The following PDZD2 variants were observed in gnomAD, a reference collection of about 807,000 sequenced individuals.
PDZD2 encodes the protein PDZ domain-containing protein 2.
Under a neutral mutation model 220.7 loss-of-function variants are expected in PDZD2, and 90 were observed. That is an observed-to-expected ratio of 0.41 (90% confidence interval 0.34 to 0.49). PDZD2 has a LOEUF of 0.49. Ranked by LOEUF, PDZD2 falls within the 20% of genes least tolerant of loss-of-function variation. The probability of loss-of-function intolerance (pLI) is 0.28; values close to 1 mark genes in which losing one functional copy is unlikely to be tolerated. For missense variants in PDZD2, 3,174 were observed against 3,608.5 expected (o/e 0.88, Z 3.08); for synonymous variants, 1,375 against 1,450.5 (o/e 0.95, Z 1.18).
intron 1 of PDZD2, among the ~76,000 whole-genome samples, chr5:31,779,375 T>C (rs947420533): frequency 5.2e-5 from 7 of 133,738 alleles, no homozygotes; most frequent in East Asian, 2.0e-4. Flanking sequence ...GTGAATCTCT[T>C]TTTTTTTTTT....
In PDZD2 at chr5:31,916,736, T is replaced by C. The variant is rs532221081; in HGVS notation, c.477-66419T>C. Among the ~76,000 whole-genome samples the C allele has an allele frequency of 4.6e-5, 7 of 152,310 alleles. No individual in the cohort carries two copies. In the East Asian group the frequency reaches 1.4e-3, roughly 29 times the overall value. The stretch of plus-strand genomic sequence containing the variant: ...GCATAGAGCCAGTACAAAACCTCCT[T>C]GCATAGCTGTTCCTGGGCAAGGGCA... On this transcript the variant is annotated intron_variant, in intron 2 of 24. Transcript: ENST00000438447.
chr5:31,993,200 A>C (rs1044431536), intron 3 of PDZD2, among the ~76,000 whole-genome samples: 1 of 152,208 alleles, frequency 6.6e-6, no homozygotes, highest in African/African-American at 2.4e-5. Context: ...ATAGAGTCCA[A>C]AATGAGGTGA....
rs1474033847 is a variant in PDZD2, at chr5:31,720,090, G to A, written c.-360-78799G>A. Reference sequence around the variant, plus strand: ...AGACACTACTTTAACCTGCTCAGCTGTTGTCTCCTGAAGTTGGGTGTCTGT... The same window carrying A: ...AGACACTACTTTAACCTGCTCAGCTATTGTCTCCTGAAGTTGGGTGTCTGT... On this transcript the variant is annotated intron_variant, in intron 1 of 24. Transcript: ENST00000438447. 2.6e-5 allele frequency among the ~76,000 whole-genome samples: 4 copies of A among 152,354 alleles called. No individual in the cohort carries two copies. The East Asian group carries it at 7.7e-4, about 29-fold the overall frequency.
At chr5:31,664,537 A>T (rs972533531) in intron 1 of PDZD2, among the ~76,000 whole-genome samples, 1 of 151,872 alleles carries the variant, frequency 6.6e-6, no homozygotes, top group African/African-American at 2.4e-5. Context: ...CACACACACT[A>T]AATTTCTACA....
intron 1 of PDZD2, among the ~76,000 whole-genome samples, chr5:31,662,476 C>A (rs1745805609): frequency 6.6e-6 from 1 of 152,128 alleles, no homozygotes; most frequent in East Asian, 1.9e-4. Flanking sequence ...AAATAAAATA[C>A]AAAATAAAAT....
intron 2 of PDZD2, among the ~76,000 whole-genome samples, chr5:31,958,789 T>A (rs1465121419): frequency 1.3e-5 from 2 of 152,030 alleles, no homozygotes; most frequent in Admixed American, 1.3e-4. Flanking sequence ...CCCAGCTAAT[T>A]TTTTAAATAA....
chr5:31,694,494 A>T (rs17498130), intron 1 of PDZD2, among the ~76,000 whole-genome samples: 25,027 of 152,198 alleles, frequency 0.16, 2,222 homozygotes, highest in East Asian at 0.29. Flanking sequence ...TTGGCTTTAC[A>T]TGAGCTCTTT....
At chr5:31,944,899 T>C (rs1746503581) in intron 2 of PDZD2, among the ~76,000 whole-genome samples, 1 of 152,220 alleles carries the variant, frequency 6.6e-6, no homozygotes, top group Non-Finnish European at 1.5e-5. Flanking sequence ...GCCAATTACC[T>C]CAGCCCTGCT....
At chr5:31,948,924 C>A (rs903622075) in intron 2 of PDZD2, among the ~76,000 whole-genome samples, 1 of 151,822 alleles carries the variant, frequency 6.6e-6, no homozygotes, top group African/African-American at 2.4e-5. Context: ...CATGGTGAAA[C>A]CCTATCTTTA....
intron 2 of PDZD2, among the ~76,000 whole-genome samples, chr5:31,814,936 A>G (rs1206374804): frequency 6.6e-6 from 1 of 152,094 alleles, no homozygotes; most frequent in Non-Finnish European, 1.5e-5. Flanking sequence ...TCCAGGTAGC[A>G]GGCTTCGGAG....
At chr5:31,654,553 C>T (rs1469238693) in intron 1 of PDZD2, among the ~76,000 whole-genome samples, 1 of 152,216 alleles carries the variant, frequency 6.6e-6, no homozygotes, top group Non-Finnish European at 1.5e-5. Flanking sequence ...TAATTATCTA[C>T]TTGACCCTCC....
At chr5:31,866,505 G>A (rs1202417983) in intron 2 of PDZD2, among the ~76,000 whole-genome samples, 6 of 152,136 alleles carry the variant, frequency 3.9e-5, no homozygotes, top group East Asian at 3.9e-4. Flanking sequence ...GGGAGGATTC[G>A]TGCCCTCACA....
intron 5 of PDZD2, among the ~76,000 whole-genome samples, chr5:32,005,669 G>T (rs1018447587): frequency 2.6e-5 from 4 of 152,106 alleles, no homozygotes; most frequent in Non-Finnish European, 4.4e-5. Context: ...TCTGTAAAAT[G>T]GAGTCAAATA....
At chr5:32,052,517 C>A in intron 8 of PDZD2, 94 bp from the exon 9 acceptor site, 2 of 1,174,502 alleles carry the variant, frequency 1.7e-6, no homozygotes, top group Non-Finnish European at 2.6e-6. Flanking sequence ...CTGAAGACAT[C>A]TAAGATTTTC....
At chr5:32,066,347 GTCAA>G (rs1379741134) in intron 14 of PDZD2, among the ~76,000 whole-genome samples, 1 of 152,030 alleles carries the variant, frequency 6.6e-6, no homozygotes, top group Non-Finnish European at 1.5e-5. Flanking sequence ...TCTATCTCAA[GTCAA>G]TCAATCAGTC....
In PDZD2 at chr5:32,109,149, A is replaced by T. The variant is rs372400414; in HGVS notation, c.*1014A>T. 5 of 152,338 alleles carry T rather than the reference A, an allele frequency of 3.3e-5. No individual in the cohort carries two copies. The highest frequency in any genetic ancestry group is 1.2e-4 in the African/African-American group (5 of 41,446). 9.4% of individuals were successfully genotyped at this position (152,338 alleles called of 1,614,324 possible). Reference sequence around the variant, plus strand: ...TTTCTAAGTGTCCTTGGATTTATAGACAATGTATGTACAATCCAAATAGAG... The same window carrying T: ...TTTCTAAGTGTCCTTGGATTTATAGTCAATGTATGTACAATCCAAATAGAG... On this transcript the variant is annotated 3_prime_UTR_variant, in exon 25 of 25. Coordinates refer to ENST00000438447, the MANE Select transcript of PDZD2 (RefSeq NM_178140.4).
intron 1 of PDZD2, among the ~76,000 whole-genome samples, chr5:31,769,152 A>C (rs1375117557): frequency 6.6e-6 from 1 of 152,122 alleles, no homozygotes; most frequent in Non-Finnish European, 1.5e-5. Flanking sequence ...GGACACAGTG[A>C]TTTTTCCAGA....
At chr5:31,812,305 A>C (rs1390504789) in intron 2 of PDZD2, among the ~76,000 whole-genome samples, 1 of 152,188 alleles carries the variant, frequency 6.6e-6, no homozygotes, top group Non-Finnish European at 1.5e-5. Flanking sequence ...ATCTTTAAAA[A>C]AAATTGAGTT....
At chr5:31,974,549 G>A (rs960826773) in intron 2 of PDZD2, among the ~76,000 whole-genome samples, 9 of 152,192 alleles carry the variant, frequency 5.9e-5, no homozygotes, top group African/African-American at 1.9e-4. Context: ...GGTTTTACTC[G>A]TAAGCTACCA....
Sources: allele counts gnomAD v4.1 joint callset (sites outside exome capture counted in the v4.1 genomes callset), GRCh38; gene constraint gnomAD v4.1.1; transcripts MANE v1.5; gene names NCBI Gene and HGNC (gene_info 2026-07-23, HGNC 2026-07-21).